The following CROCC2 variants were observed in gnomAD, a reference collection of about 807,000 sequenced individuals.
The protein encoded by CROCC2 is ciliary rootlet coiled-coil, rootletin family member 2, also known as ciliary rootlet coiled-coil protein 2.
In CROCC2, 163 loss-of-function variants were observed where a neutral mutation model predicts 177.6. That is an observed-to-expected ratio of 0.92 (90% CI 0.81 to 1.05). The LOEUF is 1.05. Ranked by LOEUF, CROCC2 falls within the 50% of genes least tolerant of loss-of-function variation. CROCC2 has a pLI of 0.00. For missense variants in CROCC2, 1,929 were observed against 1,797.8 expected, an observed-to-expected ratio of 1.07 and a Z score of -1.32; for synonymous variants, 904 against 787.3, an observed-to-expected ratio of 1.15 and a Z score of -2.48.
intron 28 of CROCC2, among the ~76,000 whole-genome samples, chr2:240,984,560 ACCCAGGCACTCACTC>A: frequency 1.0e-5 from 1 of 99,940 alleles, no homozygotes; most frequent in Non-Finnish European, 2.0e-5. Flanking sequence ...CTCCACACAC[ACCCAGGCACTCACTC>A]CACACACACC....
At chr2:240,919,601 A>G (rs2059344787) in intron 2 of CROCC2, among the ~76,000 whole-genome samples, 4 of 151,964 alleles carry the variant, frequency 2.6e-5, no homozygotes, top group Admixed American at 2.6e-4. Flanking sequence ...TTACAAAAGC[A>G]CCTTATTACT....
At chr2:240,983,720 A>G in intron 28 of CROCC2, 1 of 949,728 alleles carries the variant, frequency 1.1e-6, no homozygotes, top group Non-Finnish European at 1.4e-6. Flanking sequence ...CAGGGTCAGG[A>G]CGCCCGCAGG....
intron 20 of CROCC2, among the ~76,000 whole-genome samples, chr2:240,962,351 A>T (rs1262476005): frequency 6.6e-6 from 1 of 152,156 alleles, no homozygotes; most frequent in African/African-American, 2.4e-5. Flanking sequence ...GCTTGTTTTC[A>T]TCTCCTCTGC....
At chr2:240,932,438 C>CT (rs745761420) in intron 8 of CROCC2, 24 bp downstream of exon 8, 42 of 717,276 alleles carry the variant, frequency 5.9e-5, no homozygotes, top group Admixed American at 2.4e-4. Flanking sequence ...ACGGGGGTGG[C>CT]TGTGTGGCAG....
chr2:240,954,090 G>A (rs2059574003), intron 18 of CROCC2, among the ~76,000 whole-genome samples: 1 of 152,188 alleles, frequency 6.6e-6, no homozygotes, highest in East Asian at 1.9e-4. Flanking sequence ...AACAAGCAGG[G>A]CCTCAAGGGA....
Position 240,918,471 on chromosome 2 carries a change from G to A in CROCC2, c.79-255G>A, listed in dbSNP as rs1009025308. Among the ~76,000 whole-genome samples, 2 of 152,174 alleles carry A rather than the reference G, an allele frequency of 1.3e-5. No homozygotes were observed. The highest frequency in any genetic ancestry group is 2.4e-5 in the African/African-American group (1 of 41,442). On this transcript the variant is annotated intron_variant, in intron 1 of 31. Coordinates refer to ENST00000690015, the MANE Select transcript of CROCC2 (RefSeq NM_001351305.2). This position sits in a 1 kb window ranked among gnomAD's most constrained non-coding sequence, Gnocchi z 6.3. ...ACCAAGACAGGGCAGAGCCCCAAGC[G>A]CAGTACCTGCTCCTGCTGACCTCGG... is the stretch of plus-strand genomic sequence containing the variant.
chr2:240,983,776 C>G lies in CROCC2; in HGVS notation c.4551+747C>G, dbSNP rs1482039681. 5 of 429,718 alleles carry G rather than the reference C, an allele frequency of 1.2e-5. 1 individual carries two copies. The highest frequency in any genetic ancestry group is 2.0e-5 in the Non-Finnish European group (5 of 256,214). 26.6% of individuals were successfully genotyped at this position (429,718 alleles called of 1,614,324 possible). On this transcript the variant is annotated intron_variant, in intron 28 of 31. Transcript: ENST00000690015. The stretch of plus-strand genomic sequence containing the variant: ...GTGTCGTGTGCGCCCTGCCTTGGCT[C>G]TCCCTGGGGAGGCACCATGGGTGGG...
chr2:240,965,056 G>A (rs10432570), intron 22 of CROCC2, among the ~76,000 whole-genome samples: 21,709 of 152,226 alleles, frequency 0.14, 3,285 homozygotes, highest in East Asian at 0.4. Flanking sequence ...GCTCCCTCCT[G>A]TAATGGCGGC....
At chr2:240,935,813 G>A (rs777831568) in intron 14 of CROCC2, among the ~76,000 whole-genome samples, 3 of 152,188 alleles carry the variant, frequency 2.0e-5, no homozygotes, top group South Asian at 2.1e-4. Flanking sequence ...TATCCATCCC[G>A]CCACTTGGCA....
rs2106495299 is a variant in CROCC2, at chr2:240,989,651, C to T, written c.4684-3C>T. Reference sequence around the variant, plus strand: ...CAGTGAGATGCCCAAGTTCTCACTCCAGGCCCAGATGACAGAGATGGAGCA... The same window carrying T: ...CAGTGAGATGCCCAAGTTCTCACTCTAGGCCCAGATGACAGAGATGGAGCA... On this transcript the variant is annotated splice_polypyrimidine_tract_variant and splice_region_variant and intron_variant, in intron 29 of 31. Coordinates refer to ENST00000690015, the MANE Select transcript of CROCC2 (RefSeq NM_001351305.2). 6.5e-7 allele frequency: 1 copy of T among 1,542,292 alleles called. No individual in the cohort carries two copies. Among genetic ancestry groups the T allele is most frequent in the South Asian group, 1.2e-5 (1 of 83,712 alleles).
At chr2:240,937,643 C>T (rs538846595) in intron 14 of CROCC2, among the ~76,000 whole-genome samples, 8 of 152,286 alleles carry the variant, frequency 5.3e-5, no homozygotes, top group African/African-American at 1.4e-4. Context: ...TTTCATCTGG[C>T]TTTCACATTT....
chr2:240,966,283 C>T lies in CROCC2; in HGVS notation c.4020C>T (p.Pro1340=). 1 of 486,320 alleles carries T rather than the reference C, an allele frequency of 2.1e-6. No individual in the cohort carries two copies. The highest frequency in any genetic ancestry group is 1.0e-4 in the South Asian group (1 of 9,776). The allele number at this position is 486,320 out of a possible 1,614,324, so 30.1% of individuals were successfully genotyped here. Residue 1340 remains proline (P), a synonymous_variant, in exon 25 of 32, where the codon CCC becomes CCT. Coordinates refer to ENST00000690015, the MANE Select transcript of CROCC2 (RefSeq NM_001351305.2). ...AGGGTACCAGCCCCCCAGCCAGGCC[C>T]CACTCGCCCCTCCGATGGCCCTCGC... The part of the protein sequence containing the change: ...GQQGTSPPAR[P]HSPLRWPSPT...
chr2:240,941,894 T>G (rs1472373922), intron 14 of CROCC2, among the ~76,000 whole-genome samples: 2 of 152,196 alleles, frequency 1.3e-5, no homozygotes, highest in Non-Finnish European at 2.9e-5. Flanking sequence ...TCAGCGAGAT[T>G]AAAGCCTTTA....
intron 4 of CROCC2, among the ~76,000 whole-genome samples, chr2:240,922,887 C>T (rs921806268): frequency 3.3e-5 from 5 of 152,118 alleles, no homozygotes; most frequent in African/African-American, 7.2e-5. Context: ...GCCTGCAGCG[C>T]GCTCCCTCTT....
At chr2:240,907,547 A>G (rs1285181613) in intron 1 of CROCC2, among the ~76,000 whole-genome samples, 10 of 152,306 alleles carry the variant, frequency 6.6e-5, no homozygotes, top group African/African-American at 2.2e-4. Flanking sequence ...CAAACAATAC[A>G]GATCACCTGA....
chr2:240,909,512 C>T (rs1180543756), intron 1 of CROCC2, among the ~76,000 whole-genome samples: 1 of 152,246 alleles, frequency 6.6e-6, no homozygotes, highest in Non-Finnish European at 1.5e-5. Flanking sequence ...TGTGAGGATT[C>T]TCATCCCCTC....
intron 1 of CROCC2, among the ~76,000 whole-genome samples, chr2:240,911,927 G>C (rs970455456): frequency 5.3e-5 from 8 of 152,178 alleles, no homozygotes; most frequent in Admixed American, 3.9e-4. Flanking sequence ...CCTGCCGGCC[G>C]CTGTGAAAAT....
chr2:240,950,549 C>A lies in CROCC2; in HGVS notation c.2829+39C>A, dbSNP rs1469730810. 1.4e-5 allele frequency: 21 copies of A among 1,523,706 alleles called. No individual in the cohort carries two copies. The Middle Eastern group carries it at 7.1e-4, about 52-fold the overall frequency. The allele number at this position is 1,523,706 out of a possible 1,614,324, so 94.4% of individuals were successfully genotyped here. A position where few individuals can be genotyped will look rare whatever the true frequency, so the allele number is the denominator to read the frequency against. Reference sequence around the variant, plus strand: ...TGGGGGGCAGCGGGATTGCTCACACCCACTGCACCTGTCACCTCTGGCCCA... The same window carrying A: ...TGGGGGGCAGCGGGATTGCTCACACACACTGCACCTGTCACCTCTGGCCCA... On this transcript the variant is annotated intron_variant, in intron 18 of 31. Transcript: ENST00000690015.
Position 240,968,251 on chromosome 2 carries a change from C to G in CROCC2, c.4390C>G (p.Arg1464Gly), listed in dbSNP as rs762985526. 1.3e-6 allele frequency: 2 copies of G among 1,529,512 alleles called. No homozygotes were observed. Among genetic ancestry groups the G allele is most frequent in the African/African-American group, 1.4e-5 (1 of 72,896 alleles). 94.7% of individuals were successfully genotyped at this position (1,529,512 alleles called of 1,614,324 possible). A position where few individuals can be genotyped will look rare whatever the true frequency, so the allele number is the denominator to read the frequency against. ...CGTGCGTGCGGCAGGCCAGGAGAAG[C>G]GGCGGCTGCAGGTGGGGCAGGCGGC... The part of the protein sequence containing the change: ...ASVRAAGQEK[R>G]RLQEQLETLR... The change falls in exon 27 of 32, where the codon CGG (arginine) becomes GGG (glycine). Residue 1464 changes from arginine to glycine, a missense_variant. Coordinates refer to ENST00000690015, the MANE Select transcript of CROCC2 (RefSeq NM_001351305.2).
Sources: allele counts gnomAD v4.1 joint callset (sites outside exome capture counted in the v4.1 genomes callset), GRCh38; gene constraint gnomAD v4.1.1; non-coding constraint Gnocchi (gnomAD v3.1); transcripts MANE v1.5; gene names NCBI Gene and HGNC (gene_info 2026-07-23, HGNC 2026-07-21).